The following MCF2 variants were observed in gnomAD, a reference collection of about 807,000 sequenced individuals.
MCF2 encodes the protein proto-oncogene DBL.
MCF2 carries 44 observed loss-of-function variants against 82.5 expected under a neutral mutation model. The ratio of observed to expected loss-of-function variants is 0.53; its 90% CI spans 0.42 to 0.69. MCF2 has a LOEUF of 0.69. Among genes scored for constraint, MCF2 ranks in the 30% least tolerant of loss-of-function variants. The probability of loss-of-function intolerance (pLI) is 0.00; values close to 1 mark genes in which losing one functional copy is unlikely to be tolerated. For missense variants in MCF2, 623 were observed against 663.1 expected (o/e 0.94, Z 0.66); for synonymous variants, 217 against 224.9 (o/e 0.96, Z 0.32).
At chrX:139,692,899 C>G (rs1935307105) in intron 1 of MCF2, among the ~76,000 whole-genome samples, 1 of 112,547 alleles carries the variant, frequency 8.9e-6, no homozygotes, top group African/African-American at 3.2e-5. Context: ...CCAAGTCCCA[C>G]GCCCTTCAGG....
intron 19 of MCF2, among the ~76,000 whole-genome samples, chrX:139,592,520 C>A (rs1031598742): frequency 8.9e-6 from 1 of 111,807 alleles, no homozygotes; most frequent in African/African-American, 3.2e-5. Context: ...AAATGTACAT[C>A]AAATGCATTT....
intron 1 of MCF2, among the ~76,000 whole-genome samples, chrX:139,639,961 T>C (rs1234729293): frequency 9.0e-6 from 1 of 111,256 alleles, no homozygotes; most frequent in African/African-American, 3.3e-5. Context: ...TTATCTTATT[T>C]AGCCTTCAAA....
At position 139,681,229 on chromosome X, in the gene MCF2, A is replaced by C. The variant is rs1454695537; in HGVS notation, c.-45+26877T>G. Among the ~76,000 whole-genome samples, 3 of 112,629 alleles carry C rather than the reference A, an allele frequency of 2.7e-5. 1 individual carries two copies. Among genetic ancestry groups the C allele is most frequent in the Non-Finnish European group, 3.7e-5 (2 of 53,377 alleles). On this transcript the variant is annotated intron_variant, in intron 1 of 27. Transcript: ENST00000414978. ...TGCTTCCACTTAACAATGGTACAAG[A>C]GTACAAATGAAGACGTGATGACCAG... is the stretch of plus-strand genomic sequence containing the variant.
intron 1 of MCF2, among the ~76,000 whole-genome samples, chrX:139,636,703 G>T (rs1025768217): frequency 1.8e-5 from 2 of 111,770 alleles, no homozygotes; most frequent in African/African-American, 6.5e-5. Flanking sequence ...CACATAGCAG[G>T]GAACAAAGTA....
At chrX:139,614,847 G>GA (rs1183680260) in intron 10 of MCF2, 34 bp downstream of exon 13, 1 of 1,150,933 alleles carries the variant, frequency 8.7e-7, no homozygotes, top group Non-Finnish European at 1.2e-6. Flanking sequence ...ACAATAGCAA[G>GA]AAAAAAAGAG....
At chrX:139,693,036 C>A (rs890458732) in intron 1 of MCF2, among the ~76,000 whole-genome samples, 102 of 111,393 alleles carry the variant, frequency 9.2e-4, no homozygotes, top group African/African-American at 3.2e-3. Context: ...GTTTAAGAAG[C>A]CAAATGGAAA....
At chrX:139,642,420 A>G in intron 1 of MCF2, 1 of 1,209,075 alleles carries the variant, frequency 8.3e-7, no homozygotes, top group Non-Finnish European at 1.1e-6. Flanking sequence ...GCATCCCAGC[A>G]CTTGAACTTG....
intron 1 of MCF2, among the ~76,000 whole-genome samples, chrX:139,682,220 A>C (rs959966383): frequency 8.9e-6 from 1 of 111,742 alleles, no homozygotes; most frequent in African/African-American, 3.3e-5. Context: ...TTAGTGTCCC[A>C]GGTTGCTGCT....
At chrX:139,626,103 G>T in intron 6 of MCF2, 90 bp downstream of exon 9, 2 of 458,124 alleles carry the variant, frequency 4.4e-6, no homozygotes, top group Non-Finnish European at 7.2e-6. Context: ...GGTATAAATG[G>T]GCATCTTGCA....
Position 139,682,990 on chromosome X carries a change from C to T in MCF2, c.-45+25116G>A, listed in dbSNP as rs7876761. Among the ~76,000 whole-genome samples the T allele has an allele frequency of 9.4e-3, 1,049 of 111,548 alleles. 9 individuals carry two copies. Among genetic ancestry groups the T allele is most frequent in the African/African-American group, 0.032 (983 of 30,704 alleles). On this transcript the variant is annotated intron_variant, in intron 1 of 27. Transcript: ENST00000414978. ...TGTCACCCACGCTGGAGTGCAGTGG[C>T]GAGATCACAGCTCACTGCAGTCTTG... is the stretch of plus-strand genomic sequence containing the variant.
intron 19 of MCF2, 65 bp from the exon 24 acceptor site, chrX:139,589,992 AC>A: frequency 3.0e-6 from 2 of 657,277 alleles, no homozygotes; most frequent in Non-Finnish European, 4.7e-6. Context: ...CATTAAATCT[AC>A]CCTATCATAT....
chrX:139,585,963 G>A (rs1236843105), intron 23 of MCF2, among the ~76,000 whole-genome samples: 4 of 111,985 alleles, frequency 3.6e-5, no homozygotes, highest in Admixed American at 9.5e-5. Context: ...AGTGAAATGC[G>A]CATTCCTTGA....
At chrX:139,587,052 G>GA (rs1164130988) in intron 22 of MCF2, among the ~76,000 whole-genome samples, 1 of 111,684 alleles carries the variant, frequency 9.0e-6, no homozygotes, top group East Asian at 2.8e-4. Flanking sequence ...TGCAGCGAAG[G>GA]AAAAAACAGT....
intron 1 of MCF2, among the ~76,000 whole-genome samples, chrX:139,672,172 A>G (rs567223261): frequency 1.5e-3 from 170 of 112,421 alleles, no homozygotes; most frequent in Non-Finnish European, 2.5e-3. Flanking sequence ...TTTGTATCCT[A>G]AGACTTTGCT....
At chrX:139,602,267 G>A in intron 16 of MCF2, 139 bp downstream of exon 20, 1 of 493,468 alleles carries the variant, frequency 2.0e-6, no homozygotes, top group Admixed American at 3.4e-5. Flanking sequence ...GTGTGTTGGG[G>A]GGGAGGGTGG....
intron 8 of MCF2, among the ~76,000 whole-genome samples, chrX:139,617,009 C>T (rs6654366): frequency 0.02 from 2,252 of 111,301 alleles, 59 homozygotes; most frequent in African/African-American, 0.068. Flanking sequence ...CAGGTCCATA[C>T]GGTGACCTGT....
rs760541998 is a variant in MCF2, at chrX:139,616,688, T to A, written c.1000-215A>T. On this transcript the variant is annotated intron_variant, in intron 8 of 24. Coordinates refer to ENST00000370576, the Ensembl canonical transcript of MCF2. ...TTGGGCATTTATACTTTTACAGAGC[T>A]CCACAGATACTGCTGATACACAGCC... 2.1e-3 allele frequency among the ~76,000 whole-genome samples: 234 copies of A among 110,405 alleles called. 1 individual carries two copies. The highest frequency in any genetic ancestry group is 7.5e-3 in the African/African-American group (227 of 30,449).
intron 6 of MCF2, among the ~76,000 whole-genome samples, chrX:139,624,153 C>A (rs1252133533): frequency 9.0e-6 from 1 of 111,361 alleles, no homozygotes; most frequent in Admixed American, 9.5e-5. Context: ...GGACACTTCA[C>A]TAATGTGGTA....
intron 11 of MCF2, among the ~76,000 whole-genome samples, chrX:139,609,862 A>C (rs1381101147): frequency 8.9e-6 from 1 of 112,140 alleles, no homozygotes; most frequent in Non-Finnish European, 1.9e-5. Flanking sequence ...ACAACAACAA[A>C]AAAGAATGGA....
Sources: gnomAD v4.1 joint callset for allele counts (sites outside exome capture counted in the v4.1 genomes callset) on GRCh38, gnomAD v4.1.1 for gene constraint, MANE v1.5 for transcripts, NCBI Gene and HGNC (gene_info 2026-07-23, HGNC 2026-07-21) for gene names.